KCND2: variants seen among roughly 807,000 people sequenced by gnomAD.
KCND2 encodes A-type voltage-gated potassium channel KCND2.
Under a neutral mutation model 54.4 loss-of-function variants are expected in KCND2, and 16 were observed. That is an observed-to-expected ratio of 0.29 (90% CI 0.20 to 0.45). The LOEUF (loss-of-function observed/expected upper bound fraction) is 0.45, where lower values mean the gene tolerates loss of function less well. Ranked by LOEUF, KCND2 falls within the 20% of genes least tolerant of loss-of-function variation. KCND2 has a pLI of 1.00. For synonymous variants in KCND2, 317 were observed against 310.7 expected, an observed-to-expected ratio of 1.02 and a Z score of -0.21; for missense variants, 486 against 824.2, an observed-to-expected ratio of 0.59 and a Z score of 5.02.
intron 1 of KCND2, among the ~76,000 whole-genome samples, chr7:120,508,058 TTTTC>T (rs1205608273): frequency 3.3e-5 from 5 of 151,882 alleles, no homozygotes; most frequent in South Asian, 2.1e-4. Context: ...AAGGCTTTTT[TTTTC>T]TTTATTAGCT....
intron 1 of KCND2, among the ~76,000 whole-genome samples, chr7:120,665,235 T>C (rs1791910753): frequency 6.6e-6 from 1 of 152,082 alleles, no homozygotes; most frequent in South Asian, 2.1e-4. Context: ...GAATAATTGC[T>C]GAAATAATCT....
At chr7:120,349,940 G>A (rs1208297548) in intron 1 of KCND2, among the ~76,000 whole-genome samples, 1 of 151,956 alleles carries the variant, frequency 6.6e-6, no homozygotes, top group Non-Finnish European at 1.5e-5. Context: ...TGAATGCAAT[G>A]TAGTTGAATT....
intron 1 of KCND2, among the ~76,000 whole-genome samples, chr7:120,714,016 T>A (rs1792572696): frequency 6.6e-6 from 1 of 152,156 alleles, no homozygotes; most frequent in Non-Finnish European, 1.5e-5. Context: ...AAAGAAATAT[T>A]TTGCTCACTG....
intron 1 of KCND2, among the ~76,000 whole-genome samples, chr7:120,701,732 A>G (rs1792405116): frequency 6.6e-6 from 1 of 152,180 alleles, no homozygotes; most frequent in South Asian, 2.1e-4. Context: ...TGGTGTTGGG[A>G]AAAGTGGCTG....
intron 1 of KCND2, among the ~76,000 whole-genome samples, chr7:120,481,936 G>A (rs900922009): frequency 2.0e-5 from 3 of 152,098 alleles, no homozygotes; most frequent in African/African-American, 7.2e-5. Context: ...TTCTCATTAG[G>A]GTAAAACTCT....
rs182338381 is a variant in KCND2 at position 120,461,230 on chromosome 7, C to T, written c.1115+185483C>T. On this transcript the variant is annotated intron_variant, in intron 1 of 5. Transcript: ENST00000331113. ...AATGATTTGTACCTATTGACAGGAT[C>T]GCAGATAATTAGCATTGGTGGCTTG... Among the ~76,000 whole-genome samples the T allele has an allele frequency of 9.7e-4, 148 of 152,230 alleles. 1 individual carries two copies. Among genetic ancestry groups the T allele is most frequent in the East Asian group, 9.7e-4 (5 of 5,180 alleles).
At chr7:120,689,700 A>G (rs950860459) in intron 1 of KCND2, among the ~76,000 whole-genome samples, 4 of 152,218 alleles carry the variant, frequency 2.6e-5, no homozygotes, top group Admixed American at 2.0e-4. Flanking sequence ...GCTTCTTTGT[A>G]GCACGGAATA....
intron 1 of KCND2, among the ~76,000 whole-genome samples, chr7:120,317,954 G>T (rs1257185877): frequency 6.6e-6 from 1 of 152,114 alleles, no homozygotes; most frequent in Non-Finnish European, 1.5e-5. Context: ...AGTAGTAAAG[G>T]CTCTGCCATA....
At chr7:120,738,986 C>A (rs1287195309) in intron 2 of KCND2, among the ~76,000 whole-genome samples, 1 of 152,006 alleles carries the variant, frequency 6.6e-6, no homozygotes. Context: ...ATGGGAAGTT[C>A]TTTTTCTAAC....
intron 1 of KCND2, among the ~76,000 whole-genome samples, chr7:120,475,096 A>G (rs78198738): frequency 0.021 from 3,147 of 152,338 alleles, 100 homozygotes; most frequent in African/African-American, 0.071. Flanking sequence ...TTGCTATAAG[A>G]AATCCTAACT....
At chr7:120,700,934 G>A (rs1404294049) in intron 1 of KCND2, among the ~76,000 whole-genome samples, 1 of 152,130 alleles carries the variant, frequency 6.6e-6, no homozygotes, top group Non-Finnish European at 1.5e-5. Context: ...GAAGTAGACA[G>A]CTGATGTGAT....
chr7:120,373,083 T>C (rs1365943899), intron 1 of KCND2, among the ~76,000 whole-genome samples: 1 of 151,914 alleles, frequency 6.6e-6, no homozygotes, highest in Non-Finnish European at 1.5e-5. Context: ...ATGTTCCTAT[T>C]CATTGCCAAT....
chr7:120,430,082 A>T (rs988281387), intron 1 of KCND2, among the ~76,000 whole-genome samples: 1 of 152,142 alleles, frequency 6.6e-6, no homozygotes, highest in Non-Finnish European at 1.5e-5. Flanking sequence ...GAGTCTGCAT[A>T]AAAAGTACAA....
chr7:120,572,117 G>A (rs1176000094), intron 1 of KCND2, among the ~76,000 whole-genome samples: 2 of 150,996 alleles, frequency 1.3e-5, no homozygotes, highest in East Asian at 1.9e-4. Context: ...TGCCATGTAA[G>A]TTCAGTCAGA....
At chr7:120,461,758 A>C (rs570894461) in intron 1 of KCND2, among the ~76,000 whole-genome samples, 23 of 152,238 alleles carry the variant, frequency 1.5e-4, no homozygotes, top group Non-Finnish European at 2.4e-4. Flanking sequence ...TTAAAAAAAA[A>C]CAGATTTCTG....
intron 1 of KCND2, among the ~76,000 whole-genome samples, chr7:120,541,621 T>C (rs1217462907): frequency 6.6e-6 from 1 of 152,122 alleles, no homozygotes; most frequent in African/African-American, 2.4e-5. Flanking sequence ...TTCAGTTGGC[T>C]GCCACCAAGA....
intron 1 of KCND2, among the ~76,000 whole-genome samples, chr7:120,729,955 T>A (rs1792784583): frequency 6.6e-6 from 1 of 152,186 alleles, no homozygotes; most frequent in Non-Finnish European, 1.5e-5. Flanking sequence ...CTCCTTACTT[T>A]TCGTAATTTT....
intron 1 of KCND2, among the ~76,000 whole-genome samples, chr7:120,286,825 T>A (rs1799352497): frequency 6.6e-6 from 1 of 152,058 alleles, no homozygotes; most frequent in Non-Finnish European, 1.5e-5. Flanking sequence ...ACTCTGTGCA[T>A]TTTCAAGGAG....
chr7:120,421,115 A>G (rs886411048), intron 1 of KCND2, among the ~76,000 whole-genome samples: 1 of 152,172 alleles, frequency 6.6e-6, no homozygotes, highest in Admixed American at 6.6e-5. Context: ...TTATCTTGCA[A>G]TTGTTATATT....
Sources: gnomAD v4.1 joint callset for allele counts (sites outside exome capture counted in the v4.1 genomes callset) on GRCh38, gnomAD v4.1.1 for gene constraint, MANE v1.5 for transcripts, NCBI Gene and HGNC (gene_info 2026-07-23, HGNC 2026-07-21) for gene names.